TSHZ2: variants seen among roughly 807,000 people sequenced by gnomAD.
TSHZ2 encodes the protein teashirt zinc finger homeobox 2, also known as teashirt homolog 2.
A neutral mutation model predicts 74.4 loss-of-function variants in TSHZ2; 21 were observed. The ratio of observed to expected loss-of-function variants is 0.28; its 90% CI spans 0.20 to 0.41. The LOEUF is 0.41. Ranked by LOEUF, TSHZ2 falls within the 10% of genes least tolerant of loss-of-function variation. The probability of loss-of-function intolerance (pLI) is 1.00; values close to 1 mark genes in which losing one functional copy is unlikely to be tolerated. For synonymous variants in TSHZ2, 540 were observed against 515.3 expected, an observed-to-expected ratio of 1.05 and a Z score of -0.65; for missense variants, 1,244 against 1,293.5, an observed-to-expected ratio of 0.96 and a Z score of 0.59.
At chr20:53,036,641 C>T (rs1349636659) in intron 1 of TSHZ2, among the ~76,000 whole-genome samples, 1 of 147,130 alleles carries the variant, frequency 6.8e-6, no homozygotes, top group Non-Finnish European at 1.5e-5. Context: ...TATTGCATTA[C>T]ACATTATATA....
intron 1 of TSHZ2, among the ~76,000 whole-genome samples, chr20:53,136,720 A>T (rs1987254153): frequency 6.6e-6 from 1 of 152,138 alleles, no homozygotes; most frequent in Admixed American, 6.5e-5. Flanking sequence ...ACTTGATATT[A>T]TAGTTTCCTT....
chr20:52,976,547 A>G (rs1981346553), intron 1 of TSHZ2, among the ~76,000 whole-genome samples: 2 of 152,256 alleles, frequency 1.3e-5, no homozygotes, highest in Admixed American at 1.3e-4. Context: ...AGAAAATGGC[A>G]GGAAAGTAAA....
At chr20:53,114,808 G>T (rs1463302208) in intron 1 of TSHZ2, among the ~76,000 whole-genome samples, 2 of 151,060 alleles carry the variant, frequency 1.3e-5, no homozygotes, top group Non-Finnish European at 3.0e-5. Context: ...TTATGCCTGG[G>T]GTGTGTGTGT....
chr20:52,996,351 A>AT (rs869182289), intron 1 of TSHZ2, among the ~76,000 whole-genome samples: 34 of 148,810 alleles, frequency 2.3e-4, no homozygotes, highest in East Asian at 1.2e-3. Context: ...TTATTTATTT[A>AT]TTAGGCAAAA....
Position 53,190,139 on chromosome 20 carries a change from T to TATATATATA in TSHZ2, c.41-63360_41-63359insATATATATA, listed in dbSNP as rs1568803578. On this transcript the variant is annotated intron_variant, in intron 1 of 2. Transcript: ENST00000371497. ...TATATATATATATATATATATATAT[T>TATATATATA]TTCTTAAATGCCTCTGTTTCTTTTT... Among the ~76,000 whole-genome samples the TATATATATA allele has an allele frequency of 1.2e-4, 6 of 49,386 alleles. No individual in the cohort carries two copies. The East Asian group carries it at 2.4e-3, about 20-fold the overall frequency. The allele number at this position is 49,386 out of a possible 152,430, so 32.4% of individuals were successfully genotyped here.
At chr20:53,147,730 G>GTTTTT (rs1987577149) in intron 1 of TSHZ2, among the ~76,000 whole-genome samples, 1 of 152,072 alleles carries the variant, frequency 6.6e-6, no homozygotes, top group Non-Finnish European at 1.5e-5. Context: ...GTTTTGTTTT[G>GTTTTT]TTTTGAGACA....
chr20:53,138,092 T>C (rs1263205059), intron 1 of TSHZ2, among the ~76,000 whole-genome samples: 1 of 152,120 alleles, frequency 6.6e-6, no homozygotes, highest in Non-Finnish European at 1.5e-5. Context: ...CAATACTTCA[T>C]ATATCAGTGG....
At chr20:53,364,399 C>T (rs1455267387) in intron 2 of TSHZ2, among the ~76,000 whole-genome samples, 1 of 152,166 alleles carries the variant, frequency 6.6e-6, no homozygotes, top group African/African-American at 2.4e-5. Context: ...GTCAGGGAGT[C>T]GCGCTGGTGC....
chr20:53,163,689 A>C (rs2123469589), intron 1 of TSHZ2, among the ~76,000 whole-genome samples: 1 of 152,176 alleles, frequency 6.6e-6, no homozygotes, highest in Middle Eastern at 3.4e-3. Flanking sequence ...GGCAGTCCAC[A>C]AGCCTGCCAG....
intron 1 of TSHZ2, among the ~76,000 whole-genome samples, chr20:53,111,809 C>T (rs1986541138): frequency 6.6e-6 from 1 of 152,170 alleles, no homozygotes; most frequent in Admixed American, 6.5e-5. Flanking sequence ...TCCCTCAGGC[C>T]CCCACCTTAA....
intron 1 of TSHZ2, among the ~76,000 whole-genome samples, chr20:53,130,729 T>C (rs1293421): frequency 6.6e-6 from 1 of 152,102 alleles, no homozygotes; most frequent in Non-Finnish European, 1.5e-5. Flanking sequence ...AAGATCTCAG[T>C]CGCTGGATTC....
At chr20:53,196,738 C>T (rs1988880716) in intron 1 of TSHZ2, among the ~76,000 whole-genome samples, 1 of 152,224 alleles carries the variant, frequency 6.6e-6, no homozygotes, top group Non-Finnish European at 1.5e-5. Context: ...TTCTGGTTAG[C>T]ATCCTGCCTA....
At chr20:53,030,681 A>C (rs1983602175) in intron 1 of TSHZ2, among the ~76,000 whole-genome samples, 1 of 152,250 alleles carries the variant, frequency 6.6e-6, no homozygotes, top group Non-Finnish European at 1.5e-5. Flanking sequence ...TTCTGGCTAT[A>C]AAAGGAATAC....
At chr20:53,429,235 G>C (rs1983756430) in intron 2 of TSHZ2, among the ~76,000 whole-genome samples, 1 of 152,140 alleles carries the variant, frequency 6.6e-6, no homozygotes, top group Non-Finnish European at 1.5e-5. Flanking sequence ...GCAGCCCACA[G>C]TGTCAATAGT....
intron 2 of TSHZ2, among the ~76,000 whole-genome samples, chr20:53,327,063 A>G (rs1186961569): frequency 1.3e-5 from 2 of 152,238 alleles, no homozygotes; most frequent in Non-Finnish European, 2.9e-5. Flanking sequence ...GGATGTGTAT[A>G]AAGTCTGATG....
chr20:53,079,220 T>C (rs1176578039), intron 1 of TSHZ2, among the ~76,000 whole-genome samples: 1 of 152,126 alleles, frequency 6.6e-6, no homozygotes, highest in Non-Finnish European at 1.5e-5. Context: ...AAGGTGCAAG[T>C]TGAAAAAATG....
intron 2 of TSHZ2, among the ~76,000 whole-genome samples, chr20:53,384,284 T>C (rs889633586): frequency 1.3e-5 from 2 of 152,188 alleles, no homozygotes; most frequent in Non-Finnish European, 2.9e-5. Context: ...AAGACATTCA[T>C]TACTGAAGGC....
intron 2 of TSHZ2, among the ~76,000 whole-genome samples, chr20:53,460,363 T>C (rs1220961665): frequency 1.3e-5 from 2 of 152,266 alleles, no homozygotes; most frequent in African/African-American, 4.8e-5. Flanking sequence ...TTCTGCATTC[T>C]TCACGTAGTT....
At chr20:53,114,353 C>T (rs1986613753) in intron 1 of TSHZ2, among the ~76,000 whole-genome samples, 1 of 152,138 alleles carries the variant, frequency 6.6e-6, no homozygotes, top group Non-Finnish European at 1.5e-5. Flanking sequence ...GCCTAACTAG[C>T]TGCTGAATCT....
Sources: gnomAD v4.1 joint callset for allele counts (sites outside exome capture counted in the v4.1 genomes callset) on GRCh38, gnomAD v4.1.1 for gene constraint, MANE v1.5 for transcripts, NCBI Gene and HGNC (gene_info 2026-07-23, HGNC 2026-07-21) for gene names.